Variants in OR14J1 observed in about 807,000 individuals in gnomAD.
OR14J1 encodes the protein olfactory receptor 14J1.
For synonymous variants in OR14J1, 140 were observed against 146.7 expected (o/e 0.95, Z 0.33); for missense variants, 378 against 393.4 (o/e 0.96, Z 0.33).
chr6:29,308,561 T>C lies in OR14J1; in HGVS notation c.*906T>C, dbSNP rs1401041964. On this transcript the variant is annotated 3_prime_UTR_variant, in exon 2 of 2. Transcript: ENST00000641895. ...TCCATGAAACAGAATATAGATAAAC[T>C]GCAAATGAAGAGTTCCAACTTATGA... The C allele has an allele frequency of 6.6e-6, 1 of 152,192 alleles. No individual in the cohort carries two copies. The highest frequency in any genetic ancestry group is 1.5e-5 in the Non-Finnish European group (1 of 68,034). The allele number at this position is 152,192 out of a possible 1,614,324, so 9.4% of individuals were successfully genotyped here. A position where few individuals can be genotyped will look rare whatever the true frequency, so the allele number is the denominator to read the frequency against.
chr6:29,302,163 T>TTTTTCTTTTA (rs1171657445), intron 1 of OR14J1, among the ~76,000 whole-genome samples: 1 of 127,838 alleles, frequency 7.8e-6, no homozygotes, highest in African/African-American at 2.9e-5. Context: ...GGGGAGATTT[T>TTTTTCTTTTA]TTTTCTTTTT....
At chr6:29,304,542 C>A (rs1774946970) in intron 1 of OR14J1, among the ~76,000 whole-genome samples, 1 of 152,172 alleles carries the variant, frequency 6.6e-6, no homozygotes, top group Non-Finnish European at 1.5e-5. Context: ...CATCCTTAAT[C>A]CTAAGAGTAT....
intron 1 of OR14J1, 87 bp from the exon 2 acceptor site, chr6:29,306,575 C>T: frequency 1.5e-6 from 1 of 688,802 alleles, no homozygotes; most frequent in East Asian, 2.5e-5. Flanking sequence ...ATTTCAGTAC[C>T]TCCTTGCTGA....
At position 29,310,343 on chromosome 6, in the gene OR14J1, T is replaced by C. The variant is rs1237874644; in HGVS notation, c.*2688T>C. ...GTTTTCTGCATATGGCTAGCCAGTT[T>C]TCTCAACAGCATTTATTAAATAGGG... On this transcript the variant is annotated 3_prime_UTR_variant, in exon 2 of 2. Transcript: ENST00000641895. 1 of 152,224 alleles carries C rather than the reference T, an allele frequency of 6.6e-6. No homozygotes were observed. The highest frequency in any genetic ancestry group is 1.5e-5 in the Non-Finnish European group (1 of 68,038). The allele number at this position is 152,224 out of a possible 1,614,324, so 9.4% of individuals were successfully genotyped here.
chr6:29,301,841 C>G (rs1774717109), intron 1 of OR14J1, 54 bp downstream of exon 1: 1 of 152,088 alleles, frequency 6.6e-6, no homozygotes, highest in South Asian at 2.1e-4. Flanking sequence ...TATGTAGCAC[C>G]TGCTTAGTGC....
chr6:29,306,655 T>C lies in OR14J1; in HGVS notation c.-28-7T>C, dbSNP rs1412512401. On this transcript the variant is annotated splice_region_variant and splice_polypyrimidine_tract_variant and intron_variant, in intron 1 of 1. Coordinates refer to ENST00000641895, the MANE Select transcript of OR14J1 (RefSeq NM_030946.2). The stretch of plus-strand genomic sequence containing the variant: ...TTTCTTCCTACTGTCTTTGGCTTCC[T>C]AAACAGAGTCACACTTGGTATCTTC... 7.0e-7 allele frequency: 1 copy of C among 1,430,708 alleles called. No homozygotes were observed. The allele number at this position is 1,430,708 out of a possible 1,614,324, so 88.6% of individuals were successfully genotyped here. A position where few individuals can be genotyped will look rare whatever the true frequency, so the allele number is the denominator to read the frequency against.
rs1194382452 is a variant in OR14J1 at position 29,311,896 on chromosome 6, A to G, written c.*4241A>G. ...TTTCTAGATTTTCTAGTTTATTTGCATAGAGATGTTTATAGTATTCCCTGA... is the reference window on the plus strand; with the variant it reads ...TTTCTAGATTTTCTAGTTTATTTGCGTAGAGATGTTTATAGTATTCCCTGA... On this transcript the variant is annotated 3_prime_UTR_variant, in exon 2 of 2. Coordinates refer to ENST00000641895, the MANE Select transcript of OR14J1 (RefSeq NM_030946.2). The G allele has an allele frequency of 1.3e-5, 2 of 152,150 alleles. No individual in the cohort carries two copies. Among genetic ancestry groups the G allele is most frequent in the Non-Finnish European group, 1.5e-5 (1 of 68,022 alleles). 9.4% of individuals were successfully genotyped at this position (152,150 alleles called of 1,614,324 possible).
At chr6:29,303,612 G>C (rs1320796553) in intron 1 of OR14J1, among the ~76,000 whole-genome samples, 1 of 152,096 alleles carries the variant, frequency 6.6e-6, no homozygotes, top group Non-Finnish European at 1.5e-5. Context: ...GTAAAGAGAA[G>C]GGACATTATA....
Position 29,312,121 on chromosome 6 carries a change from G to C in OR14J1, c.*4466G>C, listed in dbSNP as rs1413207195. The stretch of plus-strand genomic sequence containing the variant: ...TCTCTATCTCCTTCATTTCTGCTCT[G>C]ATCTTAGTTATTTCTTGTCTTCTGC... On this transcript the variant is annotated 3_prime_UTR_variant, in exon 2 of 2. Transcript: ENST00000641895. The C allele has an allele frequency of 6.6e-6, 1 of 152,002 alleles. No homozygotes were observed. The highest frequency in any genetic ancestry group is 2.4e-5 in the African/African-American group (1 of 41,360). 9.4% of individuals were successfully genotyped at this position (152,002 alleles called of 1,614,324 possible). A position where few individuals can be genotyped will look rare whatever the true frequency, so the allele number is the denominator to read the frequency against.
chr6:29,304,326 C>T (rs1158484049), intron 1 of OR14J1, among the ~76,000 whole-genome samples: 1 of 151,808 alleles, frequency 6.6e-6, no homozygotes, highest in Non-Finnish European at 1.5e-5. Flanking sequence ...AGGTAAAAAA[C>T]GGAAAAGTTT....
rs1447258534 is a variant in OR14J1, at chr6:29,309,797, T to G, written c.*2142T>G. 1 of 152,186 alleles carries G rather than the reference T, an allele frequency of 6.6e-6. No homozygotes were observed. Among genetic ancestry groups the G allele is most frequent in the Non-Finnish European group, 1.5e-5 (1 of 68,060 alleles). The allele number at this position is 152,186 out of a possible 1,614,324, so 9.4% of individuals were successfully genotyped here. A position where few individuals can be genotyped will look rare whatever the true frequency, so the allele number is the denominator to read the frequency against. ...GAGATTGAGACCATCCTGGCTAACA[T>G]GGTGAAACTCCATCTCAACTAAAAA... On this transcript the variant is annotated 3_prime_UTR_variant, in exon 2 of 2. Transcript: ENST00000641895.
chr6:29,304,818 G>C (rs1439335420), intron 1 of OR14J1, among the ~76,000 whole-genome samples: 1 of 152,162 alleles, frequency 6.6e-6, no homozygotes, highest in African/African-American at 2.4e-5. Context: ...GAGGCTAAAT[G>C]ATAGAGGTTT....
chr6:29,308,741 T>C lies in OR14J1; in HGVS notation c.*1086T>C, dbSNP rs1441116022. On this transcript the variant is annotated 3_prime_UTR_variant, in exon 2 of 2. Coordinates refer to ENST00000641895, the MANE Select transcript of OR14J1 (RefSeq NM_030946.2). Reference sequence around the variant, plus strand: ...TTGAAGTAAATCAAAGTGCATGTTTTAATGACAAAGGGAATAAGCAATTGC... The same window carrying C: ...TTGAAGTAAATCAAAGTGCATGTTTCAATGACAAAGGGAATAAGCAATTGC... 6.6e-6 allele frequency: 1 copy of C among 152,216 alleles called. No individual in the cohort carries two copies. Among genetic ancestry groups the C allele is most frequent in the Non-Finnish European group, 1.5e-5 (1 of 68,040 alleles). The allele number at this position is 152,216 out of a possible 1,614,324, so 9.4% of individuals were successfully genotyped here. A position where few individuals can be genotyped will look rare whatever the true frequency, so the allele number is the denominator to read the frequency against.
rs761681655 is a variant in OR14J1 at position 29,307,046 on chromosome 6, C to T, written c.357C>T (p.Asp119=). The stretch of plus-strand genomic sequence containing the variant: ...CCATTCTCACAGTGATGTCTTATGA[C>T]AGGTACGCAGCAATCTGTCAACCAC... ...EVAILTVMSY[D]RYAAICQPLH... is the part of the protein sequence containing the mutation. Residue 119 remains aspartate (D), a synonymous_variant, in exon 2 of 2, where the codon GAC becomes GAT. Coordinates refer to ENST00000641895, the MANE Select transcript of OR14J1 (RefSeq NM_030946.2). 1.2e-6 allele frequency: 2 copies of T among 1,613,054 alleles called. No homozygotes were observed. Among genetic ancestry groups the T allele is most frequent in the Non-Finnish European group, 1.7e-6 (2 of 1,180,006 alleles).
intron 1 of OR14J1, among the ~76,000 whole-genome samples, chr6:29,302,517 G>C (rs1774790314): frequency 6.6e-6 from 1 of 151,960 alleles, no homozygotes; most frequent in African/African-American, 2.4e-5. Context: ...CCAGACAGGA[G>C]GGATAGTGTG....
Position 29,306,711 on chromosome 6 carries a change from A to T in OR14J1, c.22A>T (p.Ser8Cys), listed in dbSNP as rs745557385. MVNLTSMSGFLLMGFSDE... is the reference protein window; with the variant it reads MVNLTSMCGFLLMGFSDE... ...GACTATGGTCAATTTGACTTCAATG[A>T]GTGGATTCCTTCTTATGGGGTTTTC... The change falls in exon 2 of 2, where the codon AGT (serine) becomes TGT (cysteine). Residue 8 changes from serine (S) to cysteine (C), a missense_variant. Ser to Cys is a moderately radical substitution (Grantham distance 112, BLOSUM62 -1). Coordinates refer to ENST00000641895, the MANE Select transcript of OR14J1 (RefSeq NM_030946.2). The T allele has an allele frequency of 1.2e-5, 19 of 1,611,952 alleles. No individual in the cohort carries two copies. The highest frequency in any genetic ancestry group is 1.6e-4 in the Middle Eastern group (1 of 6,076).
rs545848331 is a variant in OR14J1 at position 29,308,677 on chromosome 6, A to G, written c.*1022A>G. On this transcript the variant is annotated 3_prime_UTR_variant, in exon 2 of 2. Transcript: ENST00000641895. ...GCAGATTTCTTCAAGAAAGACTCAT[A>G]ATTTACAAGAGTACAAAACTGGACT... The G allele has an allele frequency of 3.4e-4, 52 of 152,338 alleles. 2 individuals carry two copies. The highest frequency in any genetic ancestry group is 3.3e-3 in the Admixed American group (51 of 15,294). The allele number at this position is 152,338 out of a possible 1,614,324, so 9.4% of individuals were successfully genotyped here.
At chr6:29,306,070 T>C (rs187148450) in intron 1 of OR14J1, among the ~76,000 whole-genome samples, 2 of 152,314 alleles carry the variant, frequency 1.3e-5, no homozygotes, top group East Asian at 1.9e-4. Flanking sequence ...GGCATCTGCA[T>C]TTTACAATTT....
At position 29,307,849 on chromosome 6, in the gene OR14J1, G is replaced by C; in HGVS notation, c.*194G>C. 2 of 473,410 alleles carry C rather than the reference G, an allele frequency of 4.2e-6. No homozygotes were observed. The highest frequency in any genetic ancestry group is 3.8e-5 in the Admixed American group (1 of 26,168). The allele number at this position is 473,410 out of a possible 1,614,324, so 29.3% of individuals were successfully genotyped here. ...CCCTCCAATTCAAGTGTTATTTTAAGTCATCTTTGGAAAATTTTTCTGAAA... is the reference window on the plus strand; with the variant it reads ...CCCTCCAATTCAAGTGTTATTTTAACTCATCTTTGGAAAATTTTTCTGAAA... On this transcript the variant is annotated 3_prime_UTR_variant, in exon 2 of 2. Coordinates refer to ENST00000641895, the MANE Select transcript of OR14J1 (RefSeq NM_030946.2).
Sources: gnomAD v4.1 joint callset for allele counts (sites outside exome capture counted in the v4.1 genomes callset) on GRCh38, gnomAD v4.1.1 for gene constraint, MANE v1.5 for transcripts, NCBI Gene and HGNC (gene_info 2026-07-23, HGNC 2026-07-21) for gene names.